MED13: variants seen among roughly 807,000 people sequenced by gnomAD.
MED13 encodes mediator of RNA polymerase II transcription subunit 13.
In MED13, 23 loss-of-function variants were observed where a neutral mutation model predicts 225.2. The ratio of observed to expected loss-of-function variants is 0.10; its 90% CI spans 0.07 to 0.14. MED13 has a LOEUF of 0.14. MED13 is among the 10% of genes least tolerant of loss of function. The pLI is 1.00. For synonymous variants in MED13, 942 were observed against 889.2 expected, an observed-to-expected ratio of 1.06 and a Z score of -1.06; for missense variants, 2,197 against 2,594.5, an observed-to-expected ratio of 0.85 and a Z score of 3.33.
chr17:61,985,176 A>G lies in MED13; in HGVS notation c.2386-86T>C, dbSNP rs2080237315. On this transcript the variant is annotated intron_variant, in intron 12 of 29. Coordinates refer to ENST00000397786, the MANE Select transcript of MED13 (RefSeq NM_005121.3). ...AATCATTCAGATATAACTTAACAGT[A>G]AAGCCCATTCATTAAAAGTAGTATT... is the stretch of plus-strand genomic sequence containing the variant. 5.5e-6 allele frequency: 6 copies of G among 1,090,336 alleles called. No homozygotes were observed. The Admixed American group carries it at 1.0e-4, about 19-fold the overall frequency. 67.5% of individuals were successfully genotyped at this position (1,090,336 alleles called of 1,614,324 possible).
intron 2 of MED13, among the ~76,000 whole-genome samples, chr17:62,053,260 G>C (rs1366004889): frequency 6.6e-6 from 1 of 152,110 alleles, no homozygotes; most frequent in Non-Finnish European, 1.5e-5. Context: ...AGCCACCTTA[G>C]GTCTCATTTC....
intron 4 of MED13, among the ~76,000 whole-genome samples, chr17:62,034,876 T>A (rs1040794906): frequency 6.6e-6 from 1 of 152,102 alleles, no homozygotes; most frequent in East Asian, 1.9e-4. Context: ...CCCAGCACTT[T>A]GGGAGGCCGA....
intron 2 of MED13, 54 bp downstream of exon 2, chr17:62,063,013 G>A (rs1436847839): frequency 1.5e-6 from 2 of 1,331,098 alleles, no homozygotes; most frequent in South Asian, 1.3e-5. Context: ...GACATTCTGG[G>A]AGAAGTATAC....
intron 4 of MED13, among the ~76,000 whole-genome samples, chr17:62,035,102 C>T (rs1249462999): frequency 6.6e-6 from 1 of 152,070 alleles, no homozygotes; most frequent in Non-Finnish European, 1.5e-5. Flanking sequence ...GCCTGGGCGA[C>T]AGAGCGAAAC....
In MED13 at chr17:62,062,605, CA is replaced by C. The variant is rs1281959950; in HGVS notation, c.301+461del. Among the ~76,000 whole-genome samples the C allele has an allele frequency of 6.8e-3, 281 of 41,402 alleles. 1 individual carries two copies. Among genetic ancestry groups the C allele is most frequent in the African/African-American group, 0.047 (220 of 4,696 alleles). The allele number at this position is 41,402 out of a possible 152,430, so 27.2% of individuals were successfully genotyped here. A position where few individuals can be genotyped will look rare whatever the true frequency, so the allele number is the denominator to read the frequency against. On this transcript the variant is annotated intron_variant, in intron 2 of 29. Coordinates refer to ENST00000397786, the MANE Select transcript of MED13 (RefSeq NM_005121.3). ...CACACACACACACACACACACCACA[CA>C]CACACACACACACACACACACGGAT...
At chr17:61,956,254 C>A in intron 24 of MED13, 85 bp downstream of exon 24, 1 of 1,285,914 alleles carries the variant, frequency 7.8e-7, no homozygotes, top group South Asian at 1.8e-5. Flanking sequence ...GCATTTTATT[C>A]AACATATATA....
chr17:62,005,930 G>A (rs1449324134), intron 9 of MED13: 2 of 152,146 alleles, frequency 1.3e-5, no homozygotes, highest in Non-Finnish European at 2.9e-5. Flanking sequence ...GTGCACAGCA[G>A]CCCGGAACTC....
rs967624850 is a variant in MED13, at chr17:61,943,809, G to A, written c.*2659C>T. The A allele has an allele frequency of 4.6e-5, 7 of 152,500 alleles. No individual in the cohort carries two copies. In the South Asian group the frequency reaches 1.5e-3, roughly 32 times the overall value. 9.4% of individuals were successfully genotyped at this position (152,500 alleles called of 1,614,324 possible). On this transcript the variant is annotated 3_prime_UTR_variant, in exon 30 of 30. Coordinates refer to ENST00000397786, the MANE Select transcript of MED13 (RefSeq NM_005121.3). ...TAATCTTTTTAAATGACAAAATACT[G>A]AACTTCCACCCTGCTTAATAATCAT...
chr17:62,016,172 C>CAA (rs200481227), intron 8 of MED13, among the ~76,000 whole-genome samples: 32 of 130,068 alleles, frequency 2.5e-4, no homozygotes, highest in African/African-American at 1.0e-3. Flanking sequence ...AAACCAAGAA[C>CAA]AACAACAAAA....
At position 61,943,311 on chromosome 17, in the gene MED13, G is replaced by T. The variant is rs576271908; in HGVS notation, c.*3157C>A. 2 of 152,588 alleles carry T rather than the reference G, an allele frequency of 1.3e-5. No homozygotes were observed. The highest frequency in any genetic ancestry group is 2.1e-4 in the South Asian group (1 of 4,834). 9.5% of individuals were successfully genotyped at this position (152,588 alleles called of 1,614,324 possible). ...GAATAGCAAATTATATGATGCAATA[G>T]CATTTAAAAACTTTTTAATCTATTC... On this transcript the variant is annotated 3_prime_UTR_variant, in exon 30 of 30. Coordinates refer to ENST00000397786, the MANE Select transcript of MED13 (RefSeq NM_005121.3).
At chr17:62,059,155 A>G (rs943290001) in intron 2 of MED13, among the ~76,000 whole-genome samples, 4 of 152,228 alleles carry the variant, frequency 2.6e-5, no homozygotes, top group Non-Finnish European at 5.9e-5. Flanking sequence ...AAAGAAAAAC[A>G]TATTAGGCAA....
chr17:61,995,546 T>C (rs1429754948), intron 9 of MED13, among the ~76,000 whole-genome samples, 181 bp from the exon 10 acceptor site: 3 of 152,182 alleles, frequency 2.0e-5, no homozygotes, highest in East Asian at 1.9e-4. Context: ...AATTTAGCCA[T>C]AGAGAAATGG....
At position 61,961,834 on chromosome 17, in the gene MED13, G is replaced by A. The variant is rs376059669; in HGVS notation, c.5065-55C>T. 8.4e-5 allele frequency: 125 copies of A among 1,494,460 alleles called. No individual in the cohort carries two copies. In the African/African-American group the frequency reaches 1.5e-3, roughly 17 times the overall value. The allele number at this position is 1,494,460 out of a possible 1,614,324, so 92.6% of individuals were successfully genotyped here. ...TTAAACTTCCAAAAGAGAATAACAGGAACTGTGGGTCTAAAACTCTAAAAA... is the reference window on the plus strand; with the variant it reads ...TTAAACTTCCAAAAGAGAATAACAGAAACTGTGGGTCTAAAACTCTAAAAA... On this transcript the variant is annotated intron_variant, in intron 21 of 29. Coordinates refer to ENST00000397786, the MANE Select transcript of MED13 (RefSeq NM_005121.3).
intron 7 of MED13, 32 bp downstream of exon 7, chr17:62,029,819 C>G (rs764579862): frequency 6.4e-7 from 1 of 1,561,824 alleles, no homozygotes; most frequent in African/African-American, 1.4e-5. Flanking sequence ...TATCAACATG[C>G]AATTTTTGAA....
chr17:61,964,889 T>A (rs934623970), intron 20 of MED13, 117 bp downstream of exon 20: 20 of 948,696 alleles, frequency 2.1e-5, no homozygotes, highest in African/African-American at 3.3e-5. Context: ...TGAGTGCAGA[T>A]CCCACCACTG....
At chr17:61,983,192 G>A (rs1257257995) in intron 15 of MED13, 78 bp from the exon 16 acceptor site, 21 of 1,152,670 alleles carry the variant, frequency 1.8e-5, no homozygotes, top group South Asian at 1.2e-4. Flanking sequence ...AACTAAAAAC[G>A]TCCCAAATGT....
chr17:62,059,728 C>T (rs756773095), intron 2 of MED13, among the ~76,000 whole-genome samples: 6 of 152,150 alleles, frequency 3.9e-5, no homozygotes, highest in Non-Finnish European at 5.9e-5. Context: ...GGGAGGTAGA[C>T]GCTGTCCCTA....
chr17:61,942,937 T>G lies in MED13; in HGVS notation c.*3531A>C, dbSNP rs563522162. 4.3e-4 allele frequency: 65 copies of G among 152,676 alleles called. No individual in the cohort carries two copies. The highest frequency in any genetic ancestry group is 1.5e-3 in the African/African-American group (64 of 41,554). 9.5% of individuals were successfully genotyped at this position (152,676 alleles called of 1,614,324 possible). A position where few individuals can be genotyped will look rare whatever the true frequency, so the allele number is the denominator to read the frequency against. ...ACTCAATAACTTTAAGGTCCACATA[T>G]CCAGTTTACTTTGAAAACTAAAGAT... On this transcript the variant is annotated 3_prime_UTR_variant, in exon 30 of 30. Transcript: ENST00000397786.
Position 62,055,837 on chromosome 17 carries a change from T to C in MED13, c.302-3132A>G, listed in dbSNP as rs147592172. Among the ~76,000 whole-genome samples, 886 of 152,040 alleles carry C rather than the reference T, an allele frequency of 5.8e-3. 7 individuals carry two copies. Among genetic ancestry groups the C allele is most frequent in the African/African-American group, 0.02 (842 of 41,480 alleles). ...CTCCATCTCAAAAAAAAAAAGAATATTGAATGTGGTTTAGAAAAGTAATCA... is the reference window on the plus strand; with the variant it reads ...CTCCATCTCAAAAAAAAAAAGAATACTGAATGTGGTTTAGAAAAGTAATCA... On this transcript the variant is annotated intron_variant, in intron 2 of 29. Transcript: ENST00000397786.
Sources: allele counts gnomAD v4.1 joint callset (sites outside exome capture counted in the v4.1 genomes callset), GRCh38; gene constraint gnomAD v4.1.1; transcripts MANE v1.5; gene names NCBI Gene and HGNC (gene_info 2026-07-23, HGNC 2026-07-21).